The following URAD variants were observed in gnomAD, a reference collection of about 807,000 sequenced individuals.
URAD encodes ureidoimidazoline (2-oxo-4-hydroxy-4-carboxy-5-) decarboxylase.
Under a neutral mutation model 4.6 loss-of-function variants are expected in URAD, and 4 were observed. The observed-to-expected ratio is 0.87, with a 90% CI of 0.43 to 1.98. The LOEUF (loss-of-function observed/expected upper bound fraction) is 1.98, where lower values mean the gene tolerates loss of function less well. URAD is among the 30% of genes most tolerant of loss of function. The pLI, the probability that URAD is intolerant of heterozygous loss-of-function variation, is 0.03. For missense variants in URAD, 300 were observed against 255.3 expected (o/e 1.18, Z -1.19); for synonymous variants, 144 against 118.2 (o/e 1.22, Z -1.41).
At chr13:27,987,892 T>TAGATA (rs150611966) in intron 1 of URAD, among the ~76,000 whole-genome samples, 54 of 150,196 alleles carry the variant, frequency 3.6e-4, no homozygotes, top group African/African-American at 1.3e-3. Flanking sequence ...AATAGATAGA[T>TAGATA]GATAGATAGA....
chr13:27,978,827 C>A (rs534137738), intron 1 of URAD, among the ~76,000 whole-genome samples: 1 of 152,122 alleles, frequency 6.6e-6, no homozygotes, highest in Admixed American at 6.6e-5. Flanking sequence ...CGGGAGGGAG[C>A]AGAGACGCGA....
chr13:27,979,079 T>C (rs1869805782), intron 1 of URAD, among the ~76,000 whole-genome samples: 1 of 152,122 alleles, frequency 6.6e-6, no homozygotes, highest in African/African-American at 2.4e-5. Flanking sequence ...GTTTCTGGAA[T>C]CAGGCATCCA....
chr13:27,978,211 C>T lies in URAD; in HGVS notation c.417G>A (p.Leu139=). The change falls in exon 2 of 2, where the codon CTG becomes CTA. Residue 139 remains leucine (L), a synonymous_variant. Coordinates refer to ENST00000332715, the MANE Select transcript of URAD (RefSeq NM_001105577.2). The part of the protein sequence containing the change: ...TAVPRELARR[L]LCPSAQELRT... Reference sequence around the variant, plus strand: ...GCAGCTCCTGCGCGGACGGGCAGAGCAGCCGGCGCGCCAGCTCGCGCGGCA... The same window carrying T: ...GCAGCTCCTGCGCGGACGGGCAGAGTAGCCGGCGCGCCAGCTCGCGCGGCA... 1.3e-6 allele frequency: 2 copies of T among 1,482,246 alleles called. No individual in the cohort carries two copies. Among genetic ancestry groups the T allele is most frequent in the Non-Finnish European group, 1.8e-6 (2 of 1,127,696 alleles). The allele number at this position is 1,482,246 out of a possible 1,614,324, so 91.8% of individuals were successfully genotyped here. A position where few individuals can be genotyped will look rare whatever the true frequency, so the allele number is the denominator to read the frequency against.
In URAD at chr13:27,977,880, G is replaced by T; in HGVS notation, c.*226C>A. 2.1e-6 allele frequency: 1 copy of T among 471,086 alleles called. No homozygotes were observed. Among genetic ancestry groups the T allele is most frequent in the Non-Finnish European group, 3.7e-6 (1 of 269,882 alleles). The allele number at this position is 471,086 out of a possible 1,614,324, so 29.2% of individuals were successfully genotyped here. On this transcript the variant is annotated 3_prime_UTR_variant, in exon 2 of 2. Coordinates refer to ENST00000332715, the MANE Select transcript of URAD (RefSeq NM_001105577.2). ...TGAAGCAGTGAGCTGGATAAATCCG[G>T]GGCAAAGCACTAAACAATATGGATA...
chr13:27,988,397 C>G, intron 1 of URAD, 66 bp downstream of exon 1: 2 of 1,486,856 alleles, frequency 1.3e-6, no homozygotes, highest in Non-Finnish European at 1.8e-6. Flanking sequence ...TGGCCAGTAT[C>G]TAAAAATATT....
In URAD at chr13:27,977,838, C is replaced by T. The variant is rs1172931103; in HGVS notation, c.*268G>A. On this transcript the variant is annotated 3_prime_UTR_variant, in exon 2 of 2. Coordinates refer to ENST00000332715, the MANE Select transcript of URAD (RefSeq NM_001105577.2). ...CAAAGGCCGGTGGTGTCGGGGGCCG[C>T]AAAGGGAGTGAAGAATTGAAGCAGT... is the stretch of plus-strand genomic sequence containing the variant. The T allele has an allele frequency of 1.2e-5, 5 of 420,974 alleles. No homozygotes were observed. Among genetic ancestry groups the T allele is most frequent in the Admixed American group, 9.1e-5 (2 of 22,054 alleles). The allele number at this position is 420,974 out of a possible 1,614,324, so 26.1% of individuals were successfully genotyped here. A position where few individuals can be genotyped will look rare whatever the true frequency, so the allele number is the denominator to read the frequency against.
At chr13:27,988,353 A>G in intron 1 of URAD, 110 bp downstream of exon 1, 1 of 1,111,328 alleles carries the variant, frequency 9.0e-7, no homozygotes, top group Non-Finnish European at 1.2e-6. Context: ...CAGCCTCCCA[A>G]AGTGCTGGGA....
chr13:27,985,349 G>A (rs533748734), intron 1 of URAD, among the ~76,000 whole-genome samples: 5 of 151,052 alleles, frequency 3.3e-5, no homozygotes, highest in East Asian at 4.0e-4. Context: ...TCCCAGCTAC[G>A]AGGGAGGCTA....
chr13:27,978,596 G>A (rs953119332), intron 1 of URAD, 144 bp from the exon 2 acceptor site: 21 of 603,740 alleles, frequency 3.5e-5, no homozygotes, highest in Non-Finnish European at 4.8e-5. Flanking sequence ...GGAGGGTGAA[G>A]TAGAGTACCC....
chr13:27,985,240 T>C (rs1214829104), intron 1 of URAD, among the ~76,000 whole-genome samples: 1 of 152,038 alleles, frequency 6.6e-6, no homozygotes, highest in Non-Finnish European at 1.5e-5. Context: ...GGCGGATCAC[T>C]TGAGGTCAGG....
At chr13:27,980,732 C>G (rs1415881908) in intron 1 of URAD, among the ~76,000 whole-genome samples, 1 of 152,158 alleles carries the variant, frequency 6.6e-6, no homozygotes, top group Non-Finnish European at 1.5e-5. Flanking sequence ...CCGCGCAGGC[C>G]GCGCAGCAGA....
rs1162790051 is a variant in URAD, at chr13:27,978,038, C to A, written c.*68G>T. The A allele has an allele frequency of 3.1e-6, 4 of 1,306,730 alleles. No individual in the cohort carries two copies. Among genetic ancestry groups the A allele is most frequent in the Middle Eastern group, 2.6e-4 (1 of 3,832 alleles). 80.9% of individuals were successfully genotyped at this position (1,306,730 alleles called of 1,614,324 possible). A position where few individuals can be genotyped will look rare whatever the true frequency, so the allele number is the denominator to read the frequency against. Reference sequence around the variant, plus strand: ...GCCCGAGTCCGCCTCCCGCCCAGGACGCACAGCTCCGGGCCGTGGCCCCCG... The same window carrying A: ...GCCCGAGTCCGCCTCCCGCCCAGGAAGCACAGCTCCGGGCCGTGGCCCCCG... On this transcript the variant is annotated 3_prime_UTR_variant, in exon 2 of 2. Transcript: ENST00000332715.
rs1473081146 is a variant in URAD, at chr13:27,978,291, C to T, written c.337G>A (p.Ala113Thr). The T allele has an allele frequency of 1.4e-6, 2 of 1,401,556 alleles. No individual in the cohort carries two copies. The highest frequency in any genetic ancestry group is 1.8e-6 in the Non-Finnish European group (2 of 1,085,712). The allele number at this position is 1,401,556 out of a possible 1,614,324, so 86.8% of individuals were successfully genotyped here. ...AGCACGAAGGGGAAACCGAAGCGCGCGCGGTACTGCGCGTTGAGCTCGGCC... is the reference window on the plus strand; with the variant it reads ...AGCACGAAGGGGAAACCGAAGCGCGTGCGGTACTGCGCGTTGAGCTCGGCC... ...RLAELNAQYR[A>T]RFGFPFVLAA... Residue 113 changes from alanine to threonine, a missense_variant, in exon 2 of 2, where the codon GCG (alanine) becomes ACG (threonine). Physicochemically the swap from Ala to Thr is moderately conservative, Grantham distance 58. Transcript: ENST00000332715.
At chr13:27,982,940 G>A (rs566174643) in intron 1 of URAD, among the ~76,000 whole-genome samples, 18 of 152,052 alleles carry the variant, frequency 1.2e-4, no homozygotes, top group Admixed American at 5.2e-4. Flanking sequence ...TCTCTACTGC[G>A]CCAACCACAG....
intron 1 of URAD, among the ~76,000 whole-genome samples, chr13:27,980,910 C>T (rs556229955): frequency 6.6e-6 from 1 of 152,000 alleles, no homozygotes; most frequent in East Asian, 1.9e-4. Flanking sequence ...ACTCTTGCAG[C>T]GCGAGAAGAG....
At chr13:27,985,080 T>C (rs60740867) in intron 1 of URAD, among the ~76,000 whole-genome samples, 2,492 of 152,340 alleles carry the variant, frequency 0.016, 84 homozygotes, top group African/African-American at 0.057. Context: ...TATGTATACA[T>C]TGTGAAATGA....
chr13:27,988,566 T>C lies in URAD; in HGVS notation c.72A>G (p.Arg24=). The C allele has an allele frequency of 6.2e-7, 1 of 1,613,870 alleles. No homozygotes were observed. The change falls in exon 1 of 2, where the codon AGA becomes AGG. Residue 24 remains arginine, a synonymous_variant. Transcript: ENST00000332715. The stretch of plus-strand genomic sequence containing the variant: ...AAACAGCAGCTGCAATCAGAGGACA[T>C]CTCTCAGTGGCATTCCCAAACACAT... ...FVDVFGNATE[R]CPLIAAAVWS... is the part of the protein sequence containing the mutation.
intron 1 of URAD, among the ~76,000 whole-genome samples, chr13:27,979,454 T>G (rs1007047752): frequency 2.6e-5 from 4 of 152,258 alleles, no homozygotes; most frequent in Non-Finnish European, 4.4e-5. Context: ...CAGGGCGCTA[T>G]GATTTGTAAA....
At chr13:27,981,422 G>T (rs982531126) in intron 1 of URAD, among the ~76,000 whole-genome samples, 1 of 152,174 alleles carries the variant, frequency 6.6e-6, no homozygotes, top group South Asian at 2.1e-4. Context: ...GGTACTGCCC[G>T]TTCTTCAGTC....
Sources: allele counts gnomAD v4.1 joint callset (sites outside exome capture counted in the v4.1 genomes callset), GRCh38; gene constraint gnomAD v4.1.1; transcripts MANE v1.5; gene names NCBI Gene and HGNC (gene_info 2026-07-23, HGNC 2026-07-21).